The following CENPP variants were observed in gnomAD, a reference collection of about 807,000 sequenced individuals.
CENPP encodes the protein centromere protein P.
A neutral mutation model predicts 35.6 loss-of-function variants in CENPP; 24 were observed. The observed-to-expected ratio is 0.67, with a 90% confidence interval of 0.49 to 0.95. CENPP has a LOEUF of 0.95. CENPP is among the 40% of genes least tolerant of loss of function. The pLI is 0.00. For synonymous variants in CENPP, 120 were observed against 125.5 expected (o/e 0.96, Z 0.29); for missense variants, 332 against 345.3 (o/e 0.96, Z 0.31).
At chr9:92,500,713 A>T (rs1412937241) in intron 5 of CENPP, 1 of 1,593,590 alleles carries the variant, frequency 6.3e-7, no homozygotes, top group Admixed American at 1.7e-5. Context: ...ATACTTGAAA[A>T]AGCCAAAATT....
At chr9:92,609,849 T>A (rs1851187371) in intron 5 of CENPP, among the ~76,000 whole-genome samples, 1 of 152,084 alleles carries the variant, frequency 6.6e-6, no homozygotes, top group South Asian at 2.1e-4. Flanking sequence ...CAAGGGGTTC[T>A]CCTGCCTCAG....
intron 5 of CENPP, among the ~76,000 whole-genome samples, chr9:92,395,956 A>C (rs1317435547): frequency 6.6e-6 from 1 of 151,336 alleles, no homozygotes; most frequent in Non-Finnish European, 1.5e-5. Context: ...CCAAGATTTG[A>C]CACTTTGTTT....
At chr9:92,491,351 G>A (rs1338173566) in intron 5 of CENPP, among the ~76,000 whole-genome samples, 2 of 152,100 alleles carry the variant, frequency 1.3e-5, no homozygotes, top group Non-Finnish European at 2.9e-5. Context: ...AGGCTTTTAG[G>A]TGCAGTTCAT....
intron 5 of CENPP, among the ~76,000 whole-genome samples, chr9:92,455,077 GA>G (rs1443924505): frequency 6.6e-6 from 1 of 152,188 alleles, no homozygotes; most frequent in East Asian, 1.9e-4. Flanking sequence ...AATTTCTGGA[GA>G]AATTGTTGTT....
intron 5 of CENPP, among the ~76,000 whole-genome samples, chr9:92,452,788 G>T (rs1202910550): frequency 6.6e-6 from 1 of 152,098 alleles, no homozygotes; most frequent in Admixed American, 6.5e-5. Context: ...TCTGTTATTG[G>T]TCTATTCAGA....
intron 5 of CENPP, among the ~76,000 whole-genome samples, chr9:92,397,753 G>A (rs146190750): frequency 2.0e-5 from 3 of 152,284 alleles, no homozygotes; most frequent in Non-Finnish European, 2.9e-5. Context: ...GGAAATAAAT[G>A]TGTGTGTTTA....
intron 5 of CENPP, chr9:92,385,668 T>G (rs754374602): frequency 1.2e-6 from 2 of 1,614,076 alleles, no homozygotes; most frequent in African/African-American, 2.7e-5. Flanking sequence ...TAAAACTGTT[T>G]GGATGCTTTC....
At chr9:92,364,542 A>G (rs1350556961) in intron 4 of CENPP, among the ~76,000 whole-genome samples, 1 of 152,044 alleles carries the variant, frequency 6.6e-6, no homozygotes, top group Non-Finnish European at 1.5e-5. Flanking sequence ...ATTCTTCTTT[A>G]TGTTCCCCTG....
intron 5 of CENPP, among the ~76,000 whole-genome samples, chr9:92,403,011 G>A (rs906022629): frequency 7.9e-5 from 12 of 151,874 alleles, no homozygotes; most frequent in African/African-American, 2.7e-4. Context: ...TTATTTTTTG[G>A]TTACTATAGA....
At chr9:92,386,941 G>T (rs563958259) in intron 5 of CENPP, among the ~76,000 whole-genome samples, 3 of 151,566 alleles carry the variant, frequency 2.0e-5, no homozygotes. Flanking sequence ...CCAGCTACTC[G>T]GGAGGCTGAG....
intron 5 of CENPP, among the ~76,000 whole-genome samples, chr9:92,550,395 C>A (rs200931388): frequency 1.6e-4 from 24 of 145,834 alleles, no homozygotes; most frequent in African/African-American, 2.7e-4. Flanking sequence ...GACTCTGTCT[C>A]AAAAAAAAAA....
At chr9:92,428,540 C>G (rs1844025545) in intron 5 of CENPP, among the ~76,000 whole-genome samples, 1 of 152,016 alleles carries the variant, frequency 6.6e-6, no homozygotes. Context: ...TGTTCTACAC[C>G]CAAGTATCTT....
In CENPP at chr9:92,390,563, A is replaced by AGTGTGT. The variant is rs61628295; in HGVS notation, c.564+10724_564+10729dup. On this transcript the variant is annotated intron_variant, in intron 5 of 7. Coordinates refer to ENST00000375587, the MANE Select transcript of CENPP (RefSeq NM_001012267.3). ...GTGACACAGATTGAGAGAGAAATTC[A>AGTGTGT]GTGTGTGTGTGTGTGTGTGTGTGTG... 1.5e-3 allele frequency among the ~76,000 whole-genome samples: 224 copies of AGTGTGT among 150,552 alleles called. 1 individual carries two copies. Among genetic ancestry groups the AGTGTGT allele is most frequent in the Middle Eastern group, 3.4e-3 (1 of 294 alleles).
chr9:92,362,858 A>C (rs1841793262), intron 4 of CENPP, among the ~76,000 whole-genome samples: 1 of 152,216 alleles, frequency 6.6e-6, no homozygotes, highest in Non-Finnish European at 1.5e-5. Context: ...CCATATTTAT[A>C]ATATGTATGG....
chr9:92,500,856 A>G (rs1588187845), intron 5 of CENPP: 1 of 1,614,196 alleles, frequency 6.2e-7, no homozygotes, highest in Non-Finnish European at 8.5e-7. Context: ...ATAGAAGGAG[A>G]CACGGTCCAT....
chr9:92,467,938 A>T (rs1335451274), intron 5 of CENPP, among the ~76,000 whole-genome samples: 1 of 152,186 alleles, frequency 6.6e-6, no homozygotes, highest in African/African-American at 2.4e-5. Context: ...ACACTGAAAA[A>T]TGAGGTGAGG....
chr9:92,460,679 C>CT, intron 5 of CENPP: 1 of 641,346 alleles, frequency 1.6e-6, no homozygotes, highest in Non-Finnish European at 2.7e-6. Context: ...TAGGCACTAA[C>CT]TCTTTTTTTT....
intron 5 of CENPP, chr9:92,517,623 C>CA (rs1847807736): frequency 6.3e-7 from 1 of 1,599,040 alleles, no homozygotes; most frequent in Non-Finnish European, 8.5e-7. Flanking sequence ...AAATTAGTAA[C>CA]AAAAACAAAT....
chr9:92,401,225 G>T, intron 5 of CENPP: 1 of 888,146 alleles, frequency 1.1e-6, no homozygotes, highest in Non-Finnish European at 1.9e-6. Flanking sequence ...GCTTCATTAA[G>T]TCTGTGTTTC....
Sources: gnomAD v4.1 joint callset for allele counts (sites outside exome capture counted in the v4.1 genomes callset) on GRCh38, gnomAD v4.1.1 for gene constraint, MANE v1.5 for transcripts, NCBI Gene and HGNC (gene_info 2026-07-23, HGNC 2026-07-21) for gene names.